Variants in PLCH2 observed in about 807,000 individuals in gnomAD.
The protein encoded by PLCH2 is 1-phosphatidylinositol 4,5-bisphosphate phosphodiesterase eta-2.
A neutral mutation model predicts 134.7 loss-of-function variants in PLCH2; 98 were observed. The ratio of observed to expected loss-of-function variants is 0.73; its 90% CI spans 0.62 to 0.86. The LOEUF is 0.86. Ranked by LOEUF, PLCH2 falls within the 40% of genes least tolerant of loss-of-function variation. The probability of loss-of-function intolerance (pLI) is 0.00; values close to 1 mark genes in which losing one functional copy is unlikely to be tolerated. For synonymous variants in PLCH2, 974 were observed against 827.5 expected, an observed-to-expected ratio of 1.18 and a Z score of -3.04; for missense variants, 1,994 against 1,986.6, an observed-to-expected ratio of 1.00 and a Z score of -0.07.
Position 2,498,661 on chromosome 1 carries a change from C to A in PLCH2, c.2349+14C>A. On this transcript the variant is annotated intron_variant, in intron 17 of 21. Transcript: ENST00000378486. The surrounding 1 kb of genome is among the most constrained non-coding windows in gnomAD (Gnocchi z 5.4). ...GACCGTGGGGAGGTGGGGGCCAGCC[C>A]CACACAGGCGGGAGGGGTGGGAGTT... 6.7e-7 allele frequency: 1 copy of A among 1,485,362 alleles called. No homozygotes were observed. The highest frequency in any genetic ancestry group is 9.2e-7 in the Non-Finnish European group (1 of 1,090,938). The allele number at this position is 1,485,362 out of a possible 1,614,324, so 92.0% of individuals were successfully genotyped here.
At chr1:2,450,031 A>G (rs1176091340) in intron 2 of PLCH2, among the ~76,000 whole-genome samples, 1 of 152,162 alleles carries the variant, frequency 6.6e-6, no homozygotes, top group African/African-American at 2.4e-5. Context: ...CTCTGCATAC[A>G]GTGTCTCCCT....
intron 2 of PLCH2, among the ~76,000 whole-genome samples, chr1:2,431,767 C>T (rs1639084735): frequency 6.6e-6 from 1 of 152,204 alleles, no homozygotes; most frequent in Non-Finnish European, 1.5e-5. Flanking sequence ...GTTCCTACCC[C>T]TTGTTACTGT....
upstream of PLCH2, among the ~76,000 whole-genome samples, chr1:2,421,560 C>T (rs922655522): frequency 2.2e-4 from 33 of 152,130 alleles, no homozygotes; most frequent in African/African-American, 7.2e-4. Flanking sequence ...GTGGAAATGC[C>T]GTATGATACT....
chr1:2,495,477 C>T lies in PLCH2; in HGVS notation c.1753-11C>T. Reference sequence around the variant, plus strand: ...GAGGCCCTACAGCTCACACCTCTGCCCCCCGCACAGAAGAAGGGCAGCAAG... The same window carrying T: ...GAGGCCCTACAGCTCACACCTCTGCTCCCCGCACAGAAGAAGGGCAGCAAG... On this transcript the variant is annotated splice_polypyrimidine_tract_variant and intron_variant, in intron 12 of 21. Transcript: ENST00000378486. 1.3e-6 allele frequency: 2 copies of T among 1,550,652 alleles called. No individual in the cohort carries two copies. The highest frequency in any genetic ancestry group is 1.7e-6 in the Non-Finnish European group (2 of 1,146,354).
chr1:2,440,565 G>A (rs1242754522), intron 2 of PLCH2, among the ~76,000 whole-genome samples: 3 of 91,544 alleles, frequency 3.3e-5, no homozygotes, highest in East Asian at 4.9e-4. Context: ...TGCCTGGCCC[G>A]CCCGGGGATC....
chr1:2,459,340 C>T (rs1640656892), intron 2 of PLCH2, among the ~76,000 whole-genome samples: 1 of 151,716 alleles, frequency 6.6e-6, no homozygotes, highest in South Asian at 2.1e-4. Context: ...TGGTGGTCCT[C>T]CTTCCTGGTG....
upstream of PLCH2, among the ~76,000 whole-genome samples, chr1:2,425,594 A>G (rs541356160): frequency 1.3e-5 from 2 of 151,972 alleles, no homozygotes; most frequent in African/African-American, 4.8e-5. Flanking sequence ...GCTGACTGCA[A>G]TTTCTGCCTT....
intron 2 of PLCH2, among the ~76,000 whole-genome samples, chr1:2,431,743 G>A (rs921286174): frequency 6.6e-6 from 1 of 152,114 alleles, no homozygotes; most frequent in Non-Finnish European, 1.5e-5. Context: ...CCTCATCACA[G>A]TCCCTGCCTC....
In PLCH2 at chr1:2,491,005, G is replaced by A. The variant is rs566372149; in HGVS notation, c.1516-187G>A. Among the ~76,000 whole-genome samples the A allele has an allele frequency of 4.6e-5, 7 of 152,364 alleles. No homozygotes were observed. In the South Asian group the frequency reaches 1.2e-3, roughly 27 times the overall value. On this transcript the variant is annotated intron_variant, in intron 10 of 21. Coordinates refer to ENST00000378486, the MANE Select transcript of PLCH2 (RefSeq NM_014638.4). Reference sequence around the variant, plus strand: ...CTGCTGGGGGCCGCTGGGCAGACTCGTGCTGCTGGAGGAGTCGGGTGGGCC... The same window carrying A: ...CTGCTGGGGGCCGCTGGGCAGACTCATGCTGCTGGAGGAGTCGGGTGGGCC...
intron 21 of PLCH2, chr1:2,503,297 G>A: frequency 3.5e-6 from 2 of 566,254 alleles, no homozygotes; most frequent in South Asian, 2.0e-5. Context: ...TCCTGGGACT[G>A]GGGGCCACGT....
At chr1:2,457,835 C>T (rs1259994140) in intron 2 of PLCH2, among the ~76,000 whole-genome samples, 1 of 151,392 alleles carries the variant, frequency 6.6e-6, no homozygotes, top group African/African-American at 2.4e-5. Flanking sequence ...ATGATCTTTC[C>T]TCTTGCCTAA....
chr1:2,504,392 T>A lies in PLCH2; in HGVS notation c.3430T>A (p.Ser1144Thr). ...GCCATGTGGCCACCGAGACAGCGTT[T>A]CCTCCTCCTCCAGCATGTCATCCAG... ...LEPCGHRDSVSSSSSMSSSDT... is the reference protein window; with the variant it reads ...LEPCGHRDSVTSSSSMSSSDT... The change falls in exon 22 of 22, where the codon TCC becomes ACC. Residue 1144 changes from serine (S) to threonine (T), a missense_variant. This residue lies in a region of PLCH2 where 900 missense variants were observed against 752.3 expected (regional missense o/e 1.20). Coordinates refer to ENST00000378486, the MANE Select transcript of PLCH2 (RefSeq NM_014638.4). The A allele has an allele frequency of 2.5e-6, 4 of 1,608,502 alleles. No individual in the cohort carries two copies. The highest frequency in any genetic ancestry group is 3.4e-6 in the Non-Finnish European group (4 of 1,179,338).
intron 2 of PLCH2, among the ~76,000 whole-genome samples, chr1:2,431,105 G>A (rs1290867622): frequency 1.3e-5 from 2 of 152,220 alleles, no homozygotes; most frequent in Admixed American, 1.3e-4. Context: ...GGGATGCCCT[G>A]GAGTGGCAGG....
At chr1:2,501,868 A>C (rs1276955108) in intron 20 of PLCH2, 3 of 453,974 alleles carry the variant, frequency 6.6e-6, no homozygotes, top group Non-Finnish European at 7.7e-6. Flanking sequence ...TTCTGCCGGA[A>C]GGGTGGGGTG....
rs1046296881 is a variant in PLCH2, at chr1:2,444,867, C to T, written c.115+14238C>T. Among the ~76,000 whole-genome samples, 1 of 152,080 alleles carries T rather than the reference C, an allele frequency of 6.6e-6. No homozygotes were observed. The highest frequency in any genetic ancestry group is 2.4e-5 in the African/African-American group (1 of 41,408). ...GAGGCGGGGTCACGGTGCCCCAACA[C>T]CCCTGACTTGGGGAGCCCATGGTGT... On this transcript the variant is annotated intron_variant, in intron 2 of 3. Coordinates refer to the PLCH2 transcript ENST00000609981. The surrounding 1 kb of genome is among the most constrained non-coding windows in gnomAD (Gnocchi z 4.6).
At chr1:2,437,533 G>A (rs959173282) in intron 2 of PLCH2, among the ~76,000 whole-genome samples, 10 of 151,802 alleles carry the variant, frequency 6.6e-5, no homozygotes, top group Non-Finnish European at 1.0e-4. Flanking sequence ...CTCAGCCTGG[G>A]GGTTTCTCTC....
chr1:2,441,947 C>T (rs773475094), intron 2 of PLCH2, among the ~76,000 whole-genome samples: 10 of 152,280 alleles, frequency 6.6e-5, no homozygotes, highest in Non-Finnish European at 1.5e-4. Flanking sequence ...CTGCTAGAGC[C>T]CGCCCAGCCT....
At chr1:2,436,447 C>CCCTCCACCTTTCCT (rs1557943652) in intron 2 of PLCH2, among the ~76,000 whole-genome samples, 2 of 41,144 alleles carry the variant, frequency 4.9e-5, no homozygotes, top group Admixed American at 2.5e-4. Context: ...CTCCCTTCCT[C>CCCTCCACCTTTCCT]CCTTCCTCCC....
At chr1:2,503,039 CA>C (rs1205422913) in intron 21 of PLCH2, 1 of 712,268 alleles carries the variant, frequency 1.4e-6, no homozygotes, top group African/African-American at 1.7e-5. Flanking sequence ...GTATCCGTGG[CA>C]CTGTCTCCGT....
Sources: allele counts gnomAD v4.1 joint callset (sites outside exome capture counted in the v4.1 genomes callset), GRCh38; gene constraint gnomAD v4.1.1; regional missense constraint gnomAD v4.1.1; non-coding constraint Gnocchi (gnomAD v3.1); transcripts MANE v1.5; gene names NCBI Gene and HGNC (gene_info 2026-07-23, HGNC 2026-07-21).